GPHN: variants seen among roughly 807,000 people sequenced by gnomAD.
GPHN encodes gephyrin.
In GPHN, 17 loss-of-function variants were observed where a neutral mutation model predicts 95.5. The observed-to-expected ratio is 0.18, with a 90% CI of 0.12 to 0.27. GPHN has a LOEUF of 0.27. Ranked by LOEUF, GPHN falls within the 10% of genes least tolerant of loss-of-function variation. The probability of loss-of-function intolerance (pLI) is 1.00; values close to 1 mark genes in which losing one functional copy is unlikely to be tolerated. For missense variants in GPHN, 660 were observed against 978.1 expected, an observed-to-expected ratio of 0.67 and a Z score of 4.34; for synonymous variants, 320 against 322.5, an observed-to-expected ratio of 0.99 and a Z score of 0.08.
the GPHN span, among the ~76,000 whole-genome samples, chr14:67,523,292 C>A: frequency 6.6e-6 from 1 of 150,478 alleles, no homozygotes; most frequent in Non-Finnish European, 1.5e-5. Context: ...CCACTGCACT[C>A]CACCTGGGTT....
chr14:66,610,894 A>G (rs532784409), intron 1 of GPHN, among the ~76,000 whole-genome samples: 1 of 152,270 alleles, frequency 6.6e-6, no homozygotes, highest in Non-Finnish European at 1.5e-5. Flanking sequence ...ACAGGCCAAG[A>G]TAATCAGACA....
At chr14:67,429,251 G>A in the GPHN span, among the ~76,000 whole-genome samples, 4 of 144,834 alleles carry the variant, frequency 2.8e-5, no homozygotes, top group Non-Finnish European at 4.5e-5. Flanking sequence ...TTTTTTTTGA[G>A]ACAGAGTCTC....
chr14:67,207,245 A>G, the GPHN span, among the ~76,000 whole-genome samples: 2 of 152,162 alleles, frequency 1.3e-5, no homozygotes, highest in Non-Finnish European at 2.9e-5. Context: ...AAGGAAGCAC[A>G]ATGCTGGCAT....
chr14:67,028,033 C>T (rs2153629122), intron 10 of GPHN, among the ~76,000 whole-genome samples: 1 of 152,290 alleles, frequency 6.6e-6, no homozygotes, highest in East Asian at 1.9e-4. Flanking sequence ...TTATCCCCCA[C>T]ACCATCCTTC....
At chr14:67,669,031 T>C in the GPHN span, among the ~76,000 whole-genome samples, 1 of 152,208 alleles carries the variant, frequency 6.6e-6, no homozygotes, top group Admixed American at 6.5e-5. Context: ...AGTAGCTCTA[T>C]TATCAGGCAG....
At chr14:67,164,636 C>G (rs914353751) in intron 19 of GPHN, among the ~76,000 whole-genome samples, 1 of 151,920 alleles carries the variant, frequency 6.6e-6, no homozygotes, top group African/African-American at 2.4e-5. Context: ...GGATTACAGG[C>G]GCACACCACC....
the GPHN span, among the ~76,000 whole-genome samples, chr14:67,314,376 A>C: frequency 6.6e-6 from 1 of 152,184 alleles, no homozygotes; most frequent in Non-Finnish European, 1.5e-5. Flanking sequence ...ATTCTTTTTG[A>C]GTATAAGGTC....
the GPHN span, among the ~76,000 whole-genome samples, chr14:67,247,292 T>A: frequency 1.3e-5 from 2 of 152,216 alleles, no homozygotes; most frequent in African/African-American, 4.8e-5. Flanking sequence ...TTGTAAATGG[T>A]AATCTAAAAA....
chr14:67,516,405 GA>G, the GPHN span, among the ~76,000 whole-genome samples: 32 of 152,048 alleles, frequency 2.1e-4, no homozygotes, highest in Non-Finnish European at 4.4e-4. Flanking sequence ...GAGAGGGGGG[GA>G]AATGAGGAGA....
the GPHN span, chr14:67,320,347 G>T: frequency 1.2e-6 from 2 of 1,612,850 alleles, no homozygotes; most frequent in East Asian, 2.2e-5. Context: ...AATGAATTGC[G>T]TCAGAGGCTC....
At chr14:67,494,713 A>T in the GPHN span, among the ~76,000 whole-genome samples, 4,739 of 152,284 alleles carry the variant, frequency 0.031, 253 homozygotes, top group East Asian at 0.22. Context: ...ATCAGCATTC[A>T]CAGAGAGGTG....
chr14:67,135,443 C>G (rs981313666), intron 17 of GPHN, among the ~76,000 whole-genome samples: 30 of 152,132 alleles, frequency 2.0e-4, no homozygotes, highest in Non-Finnish European at 1.5e-5. Flanking sequence ...TATCATTCTT[C>G]CATTTTGATT....
At chr14:67,463,605 C>A in the GPHN span, among the ~76,000 whole-genome samples, 7 of 135,622 alleles carry the variant, frequency 5.2e-5, no homozygotes, top group African/African-American at 2.0e-4. Context: ...CGCCACTGCA[C>A]TCTAGCCTGG....
intron 9 of GPHN, among the ~76,000 whole-genome samples, chr14:67,010,057 C>T (rs2072882243): frequency 6.6e-6 from 1 of 151,824 alleles, no homozygotes; most frequent in Non-Finnish European, 1.5e-5. Flanking sequence ...CCATGCCCAG[C>T]CGTGTTTTTC....
the GPHN span, among the ~76,000 whole-genome samples, chr14:67,552,628 G>T: frequency 3.3e-5 from 5 of 149,358 alleles, no homozygotes; most frequent in South Asian, 1.1e-3. Context: ...TTAGCTGGGC[G>T]TGGTGGCGGG....
At chr14:67,702,389 G>T in the GPHN span, among the ~76,000 whole-genome samples, 6 of 152,148 alleles carry the variant, frequency 3.9e-5, no homozygotes, top group East Asian at 1.2e-3. Flanking sequence ...AACTCAGAAG[G>T]TTTAGCTGTA....
chr14:66,896,254 A>T (rs1036276033), intron 5 of GPHN, among the ~76,000 whole-genome samples: 10 of 152,144 alleles, frequency 6.6e-5, no homozygotes, highest in African/African-American at 2.4e-4. Flanking sequence ...TAATGTCTCA[A>T]TTATGGGAAG....
At chr14:66,561,224 C>A (rs56398638) in intron 1 of GPHN, among the ~76,000 whole-genome samples, 6,287 of 152,052 alleles carry the variant, frequency 0.041, 175 homozygotes, top group Middle Eastern at 0.065. Context: ...TGTCTCTGCC[C>A]GGCTTTGGTA....
the GPHN span, chr14:67,576,463 G>A: frequency 6.7e-3 from 10,772 of 1,607,552 alleles, 61 homozygotes; most frequent in Admixed American, 8.9e-3. The surrounding 1 kb of genome is among the most constrained non-coding windows in gnomAD (Gnocchi z 4.0). Context: ...CTGCCTATGA[G>A]CAGCTCATTG....
Sources: gnomAD v4.1 joint callset for allele counts (sites outside exome capture counted in the v4.1 genomes callset) on GRCh38, gnomAD v4.1.1 for gene constraint, Gnocchi (gnomAD v3.1) non-coding constraint, MANE v1.5 for transcripts, NCBI Gene and HGNC (gene_info 2026-07-23, HGNC 2026-07-21) for gene names.